Variants in URI1 observed in about 807,000 individuals in gnomAD.
The protein encoded by URI1 is URI1 prefoldin like chaperone.
In URI1, 39 loss-of-function variants were observed where a neutral mutation model predicts 60.2. The observed-to-expected ratio is 0.65, with a 90% CI of 0.50 to 0.85. URI1 has a LOEUF of 0.85. Among genes scored for constraint, URI1 ranks in the 40% least tolerant of loss-of-function variants. URI1 has a pLI of 0.00. For missense variants in URI1, 691 were observed against 665.9 expected (o/e 1.04, Z -0.42); for synonymous variants, 251 against 236.8 (o/e 1.06, Z -0.55).
At chr19:29,961,891 G>A (rs28763323) in intron 1 of URI1, among the ~76,000 whole-genome samples, 2,474 of 152,060 alleles carry the variant, frequency 0.016, 71 homozygotes, top group African/African-American at 0.057. Flanking sequence ...CACCATGTTG[G>A]TCAGGCTGGT....
intron 2 of URI1, among the ~76,000 whole-genome samples, chr19:29,974,218 T>C (rs2055493162): frequency 6.6e-6 from 1 of 152,126 alleles, no homozygotes. Context: ...AATGAGATCA[T>C]GTCTGTAGAA....
At chr19:29,938,979 C>CGT (rs1388278230), upstream of URI1, among the ~76,000 whole-genome samples, 1 of 42,700 alleles carries the variant, frequency 2.3e-5, no homozygotes, top group African/African-American at 8.4e-5. Flanking sequence ...CCTGGCCTAC[C>CGT]ATTTTTTTTT....
intron 1 of URI1, chr19:29,956,288 T>C: frequency 3.1e-6 from 2 of 642,092 alleles, no homozygotes; most frequent in East Asian, 4.6e-5. Context: ...GAGTAGTCTT[T>C]TTTTTTTTTT....
intron 1 of URI1, among the ~76,000 whole-genome samples, chr19:29,928,345 T>C (rs578032145): frequency 6.6e-6 from 1 of 152,044 alleles, no homozygotes; most frequent in African/African-American, 2.4e-5. Context: ...GCTCCCAACA[T>C]GCATCCAAGG....
chr19:29,934,987 C>T (rs1373198601), intron 1 of URI1, among the ~76,000 whole-genome samples: 2 of 152,140 alleles, frequency 1.3e-5, no homozygotes, highest in Non-Finnish European at 2.9e-5. Context: ...TTTAATTAGA[C>T]AGTTTAGTCC....
At chr19:29,936,163 G>A (rs1456854892) in intron 1 of URI1, among the ~76,000 whole-genome samples, 1 of 152,088 alleles carries the variant, frequency 6.6e-6, no homozygotes, top group East Asian at 1.9e-4. Flanking sequence ...GAGTGCAGTG[G>A]TGCAATCTTG....
At chr19:29,934,930 C>T (rs928124848) in intron 1 of URI1, among the ~76,000 whole-genome samples, 1 of 152,150 alleles carries the variant, frequency 6.6e-6, no homozygotes, top group African/African-American at 2.4e-5. Flanking sequence ...TTGCAGACAG[C>T]ATATAAATTA....
intron 4 of URI1, among the ~76,000 whole-genome samples, chr19:29,998,004 A>G (rs896566093): frequency 1.3e-5 from 2 of 152,090 alleles, no homozygotes; most frequent in African/African-American, 4.8e-5. Context: ...GCCTCAAGCA[A>G]TCTGCCTGCC....
intron 4 of URI1, among the ~76,000 whole-genome samples, chr19:29,994,063 ATGTGTGTGTGTGTG>A: frequency 6.8e-6 from 1 of 147,978 alleles, no homozygotes; most frequent in South Asian, 2.1e-4. Context: ...CTCTGTGTGT[ATGTGTGTGTGTGTG>A]TGTGTGTATC....
At chr19:29,973,487 A>G (rs1198751354) in intron 2 of URI1, among the ~76,000 whole-genome samples, 1 of 152,180 alleles carries the variant, frequency 6.6e-6, no homozygotes, top group African/African-American at 2.4e-5. Flanking sequence ...GTAAAGAAGA[A>G]CAAAATATAT....
At chr19:29,978,710 G>T (rs2055556057) in intron 2 of URI1, among the ~76,000 whole-genome samples, 1 of 152,164 alleles carries the variant, frequency 6.6e-6, no homozygotes, top group African/African-American at 2.4e-5. Flanking sequence ...TAAGACCTGA[G>T]AGAAATGTAG....
intron 2 of URI1, among the ~76,000 whole-genome samples, chr19:29,971,689 CTTTTT>C (rs533979534): frequency 1.4e-5 from 2 of 138,544 alleles, no homozygotes; most frequent in African/African-American, 5.3e-5. Flanking sequence ...ATTGACTGTA[CTTTTT>C]TTTTTTTTAA....
At chr19:29,960,893 A>G (rs117191498) in intron 1 of URI1, among the ~76,000 whole-genome samples, 6,828 of 152,116 alleles carry the variant, frequency 0.045, 217 homozygotes, top group East Asian at 0.11. Flanking sequence ...TTGCTTTGTC[A>G]CCCAGGCTGG....
chr19:29,952,799 C>A (rs2055195722), intron 1 of URI1, among the ~76,000 whole-genome samples: 1 of 152,172 alleles, frequency 6.6e-6, no homozygotes, highest in Non-Finnish European at 1.5e-5. Context: ...GTAACCATCA[C>A]TATTCTTTCT....
At chr19:29,923,980 G>A (rs924853288) in intron 1 of URI1, among the ~76,000 whole-genome samples, 6 of 152,096 alleles carry the variant, frequency 3.9e-5, no homozygotes, top group African/African-American at 1.2e-4. Context: ...GAAGAGCCAC[G>A]GAAGCTGATG....
At chr19:30,004,553 GGA>G (rs1410280729) in intron 4 of URI1, 1 of 152,052 alleles carries the variant, frequency 6.6e-6, no homozygotes, top group Admixed American at 6.6e-5. Flanking sequence ...ATCTGGGGGA[GGA>G]GGTATCATAT....
chr19:29,968,192 C>G (rs928835946), intron 1 of URI1, among the ~76,000 whole-genome samples: 1 of 152,036 alleles, frequency 6.6e-6, no homozygotes, highest in African/African-American at 2.4e-5. Flanking sequence ...AAAGTTGAAG[C>G]CTAGTAACTA....
intron 6 of URI1, among the ~76,000 whole-genome samples, chr19:30,006,073 T>C (rs1244593281): frequency 6.6e-6 from 1 of 152,094 alleles, no homozygotes. Flanking sequence ...TTTTTCTTCT[T>C]TTAAAACTGC....
chr19:29,949,233 C>T lies in URI1; in HGVS notation c.117+6569C>T, dbSNP rs569579146. Among the ~76,000 whole-genome samples the T allele has an allele frequency of 1.9e-3, 272 of 142,318 alleles. 2 individuals carry two copies. Among genetic ancestry groups the T allele is most frequent in the African/African-American group, 6.8e-3 (254 of 37,170 alleles). The allele number at this position is 142,318 out of a possible 152,430, so 93.4% of individuals were successfully genotyped here. A position where few individuals can be genotyped will look rare whatever the true frequency, so the allele number is the denominator to read the frequency against. The stretch of plus-strand genomic sequence containing the variant: ...GCGGAGGGGCTCCTCACTTTTCAGA[C>T]GGGGCGGCCGGGCAGAGACGCTCCT... On this transcript the variant is annotated intron_variant, in intron 1 of 10. Coordinates refer to ENST00000392271, the MANE Select transcript of URI1 (RefSeq NM_003796.3).
Sources: allele counts gnomAD v4.1 joint callset (sites outside exome capture counted in the v4.1 genomes callset), GRCh38; gene constraint gnomAD v4.1.1; transcripts MANE v1.5; gene names NCBI Gene and HGNC (gene_info 2026-07-23, HGNC 2026-07-21).